Variants in WASHC4 observed in about 807,000 individuals in gnomAD.
WASHC4 encodes the protein WASH complex subunit 4, also known as WASH complex subunit 7.
Under a neutral mutation model 166.6 loss-of-function variants are expected in WASHC4, and 86 were observed. That is an observed-to-expected ratio of 0.52 (90% CI 0.43 to 0.62). The LOEUF is 0.62. Among genes scored for constraint, WASHC4 ranks in the 20% least tolerant of loss-of-function variants. WASHC4 has a pLI of 0.00. For missense variants in WASHC4, 1,262 were observed against 1,382.4 expected, an observed-to-expected ratio of 0.91 and a Z score of 1.38; for synonymous variants, 446 against 451.6, an observed-to-expected ratio of 0.99 and a Z score of 0.16.
chr12:105,138,983 T>G (rs1249209753), intron 15 of WASHC4, among the ~76,000 whole-genome samples: 1 of 152,218 alleles, frequency 6.6e-6, no homozygotes, highest in Non-Finnish European at 1.5e-5. Context: ...CAGAGGAAAC[T>G]ACTGTCCTGA....
intron 21 of WASHC4, 35 bp downstream of exon 21, chr12:105,144,490 C>CTA: frequency 6.9e-7 from 1 of 1,444,922 alleles, no homozygotes; most frequent in Non-Finnish European, 9.5e-7. Context: ...GAGTCATATT[C>CTA]TCTTTTTTTT....
At chr12:105,142,346 C>G in intron 18 of WASHC4, 107 bp from the exon 19 acceptor site, 2 of 724,560 alleles carry the variant, frequency 2.8e-6, no homozygotes, top group Non-Finnish European at 5.0e-6. Context: ...GTAGGGAATG[C>G]GAACTGTGTA....
intron 1 of WASHC4, among the ~76,000 whole-genome samples, 153 bp from the exon 2 acceptor site, chr12:105,110,972 G>GTTGTTT (rs1225028051): frequency 6.6e-6 from 1 of 152,084 alleles, no homozygotes; most frequent in African/African-American, 2.4e-5. Context: ...AAGCTGAATT[G>GTTGTTT]TTGTTTAACT....
In WASHC4 at chr12:105,140,302, G is replaced by A. The variant is rs368707642; in HGVS notation, c.1461G>A (p.Glu487=). The change falls in exon 16 of 33, where the codon GAG becomes GAA. Residue 487 remains glutamate, a synonymous_variant. Coordinates refer to ENST00000332180, the MANE Select transcript of WASHC4 (RefSeq NM_015275.3). ...CRLVELLKAI[E]HMFYRRSMVV... ...TTTCTGATTCTTTTTAGGCAATAGA[G>A]CATATGTTCTACAGGAGAAGCATGG... The A allele has an allele frequency of 4.3e-6, 7 of 1,609,832 alleles. No individual in the cohort carries two copies. In the African/African-American group the frequency reaches 6.7e-5, roughly 15 times the overall value.
At chr12:105,159,524 T>TG (rs2135837757) in intron 28 of WASHC4, among the ~76,000 whole-genome samples, 2 of 152,318 alleles carry the variant, frequency 1.3e-5, no homozygotes, top group African/African-American at 4.8e-5. Flanking sequence ...ATTTCTTTCT[T>TG]ACAGTGGTGG....
Position 105,144,914 on chromosome 12 carries a change from G to A in WASHC4, c.2334+42G>A, listed in dbSNP as rs748628827. The A allele has an allele frequency of 6.6e-5, 104 of 1,569,042 alleles. 1 individual carries two copies. Among genetic ancestry groups the A allele is most frequent in the Non-Finnish European group, 8.9e-5 (102 of 1,141,706 alleles). ...TTTTTTTAGCATACTGTGACTGTTG[G>A]CTGTAACAGTACTTTTTAAGGAAGT... On this transcript the variant is annotated intron_variant, in intron 22 of 32. Transcript: ENST00000332180.
At chr12:105,137,797 G>A in intron 14 of WASHC4, 89 bp from the exon 15 acceptor site, 1 of 1,085,134 alleles carries the variant, frequency 9.2e-7, no homozygotes, top group Non-Finnish European at 1.4e-6. Context: ...TTAGTTATTG[G>A]TAAGTTGAGG....
At chr12:105,164,352 G>T (rs771568438) in intron 31 of WASHC4, 45 bp downstream of exon 31, 36 of 1,512,824 alleles carry the variant, frequency 2.4e-5, no homozygotes, top group Non-Finnish European at 3.0e-5. Context: ...CTTACCATTT[G>T]ATATCCATGA....
rs377016151 is a variant in WASHC4 at position 105,144,700 on chromosome 12, A to AT, written c.2180-6dup. ...CCTTTTCTACTGTTTCACAAGTTGA[A>AT]TTTTTTTTTTTTGGTAGCTTACGTA... On this transcript the variant is annotated splice_polypyrimidine_tract_variant and intron_variant, in intron 21 of 32. Transcript: ENST00000332180. 72,567 of 950,804 alleles carry AT rather than the reference A, an allele frequency of 0.076. 1 individual carries two copies. Among genetic ancestry groups the AT allele is most frequent in the East Asian group, 0.098 (2,450 of 25,028 alleles). The allele number at this position is 950,804 out of a possible 1,614,324, so 58.9% of individuals were successfully genotyped here.
intron 15 of WASHC4, among the ~76,000 whole-genome samples, chr12:105,138,424 G>T (rs1882511956): frequency 1.3e-5 from 2 of 151,664 alleles, no homozygotes; most frequent in Non-Finnish European, 2.9e-5. Flanking sequence ...TATGAGGTTA[G>T]TTAACATAAG....
At chr12:105,158,705 C>G (rs1473696797) in intron 28 of WASHC4, among the ~76,000 whole-genome samples, 2 of 152,090 alleles carry the variant, frequency 1.3e-5, no homozygotes, top group Non-Finnish European at 2.9e-5. Flanking sequence ...TTAGTTAATA[C>G]TGTATTATAT....
rs1386909700 is a variant in WASHC4 at position 105,162,869 on chromosome 12, C to T, written c.3157+24C>T. The T allele has an allele frequency of 2.4e-6, 3 of 1,275,790 alleles. No homozygotes were observed. The South Asian group carries it at 3.7e-5, about 16-fold the overall frequency. The allele number at this position is 1,275,790 out of a possible 1,614,324, so 79.0% of individuals were successfully genotyped here. On this transcript the variant is annotated intron_variant, in intron 30 of 32. Transcript: ENST00000332180. ...GGGTAAGCTTAATGGAATTGTTTTT[C>T]CATTAATTTTATATTGACCTTGTAA... is the stretch of plus-strand genomic sequence containing the variant.
intron 13 of WASHC4, among the ~76,000 whole-genome samples, chr12:105,130,008 C>T (rs1881654777): frequency 6.6e-6 from 1 of 152,156 alleles, no homozygotes; most frequent in Admixed American, 6.5e-5. Context: ...ACACATACCT[C>T]CTGTAATGAT....
chr12:105,124,975 A>G (rs779308298), intron 10 of WASHC4, among the ~76,000 whole-genome samples: 5 of 152,274 alleles, frequency 3.3e-5, no homozygotes, highest in Non-Finnish European at 5.9e-5. Flanking sequence ...TAATAGCCAC[A>G]TATAGTTAAT....
chr12:105,142,202 A>G (rs1297132966), intron 18 of WASHC4, among the ~76,000 whole-genome samples: 1 of 152,084 alleles, frequency 6.6e-6, no homozygotes. Context: ...TATGCATATC[A>G]TTTTTCAAGT....
At chr12:105,117,138 A>G (rs908081595) in intron 6 of WASHC4, among the ~76,000 whole-genome samples, 1 of 152,190 alleles carries the variant, frequency 6.6e-6, no homozygotes. Flanking sequence ...TATGATCATG[A>G]TTATGTGTAT....
At position 105,144,492 on chromosome 12, in the gene WASHC4, C is replaced by G. The variant is rs1178756058; in HGVS notation, c.2179+37C>G. ...GCTTTCCTTCTTAGAGTCATATTCT[C>G]TTTTTTTTTTTTTTTTACCCTACTG... On this transcript the variant is annotated intron_variant, in intron 21 of 32. Transcript: ENST00000332180. The G allele has an allele frequency of 2.2e-6, 3 of 1,339,222 alleles. No homozygotes were observed. In the South Asian group the frequency reaches 3.9e-5, roughly 17 times the overall value. 83.0% of individuals were successfully genotyped at this position (1,339,222 alleles called of 1,614,324 possible). A position where few individuals can be genotyped will look rare whatever the true frequency, so the allele number is the denominator to read the frequency against.
At chr12:105,148,431 G>A (rs1445727078) in intron 24 of WASHC4, 1 of 985,204 alleles carries the variant, frequency 1.0e-6, no homozygotes, top group Non-Finnish European at 1.2e-6. Flanking sequence ...CACATTTCCT[G>A]CTTTCACAGT....
At chr12:105,117,080 A>T (rs75029470) in intron 6 of WASHC4, among the ~76,000 whole-genome samples, 2 of 152,186 alleles carry the variant, frequency 1.3e-5, no homozygotes, top group Non-Finnish European at 2.9e-5. Flanking sequence ...ATTGTTAATC[A>T]TTCCTGGTAA....
Sources: gnomAD v4.1 joint callset for allele counts (sites outside exome capture counted in the v4.1 genomes callset) on GRCh38, gnomAD v4.1.1 for gene constraint, MANE v1.5 for transcripts, NCBI Gene and HGNC (gene_info 2026-07-23, HGNC 2026-07-21) for gene names.